The following CSMD1 variants were observed in gnomAD, a reference collection of about 807,000 sequenced individuals.
CSMD1 encodes CUB and Sushi multiple domains 1, also known as CUB and sushi domain-containing protein 1.
A neutral mutation model predicts 417.5 loss-of-function variants in CSMD1; 213 were observed. The ratio of observed to expected loss-of-function variants is 0.51; its 90% CI spans 0.46 to 0.57. The LOEUF (loss-of-function observed/expected upper bound fraction) is 0.57, where lower values mean the gene tolerates loss of function less well. Ranked by LOEUF, CSMD1 falls within the 20% of genes least tolerant of loss-of-function variation. The pLI, the probability that CSMD1 is intolerant of heterozygous loss-of-function variation, is 0.00. For synonymous variants in CSMD1, 2,862 were observed against 1,736.8 expected (o/e 1.65, Z -16.11); for missense variants, 6,923 against 4,529.7 (o/e 1.53, Z -15.17).
intron 3 of CSMD1, among the ~76,000 whole-genome samples, chr8:4,267,777 A>T (rs1191496204): frequency 2.0e-5 from 3 of 152,154 alleles, no homozygotes; most frequent in African/African-American, 4.8e-5. Context: ...TGCATATTTT[A>T]TATTGAACAA....
intron 3 of CSMD1, among the ~76,000 whole-genome samples, chr8:4,350,971 C>A (rs1801059718): frequency 6.6e-6 from 1 of 152,094 alleles, no homozygotes; most frequent in Non-Finnish European, 1.5e-5. Context: ...TTTAAAGCTT[C>A]TTTTAATAAT....
At position 3,982,192 on chromosome 8, in the gene CSMD1, T is replaced by TAATAATAATAATAA. The variant is rs372298485; in HGVS notation, c.818+15710_818+15711insTTATTATTATTATT. Reference sequence around the variant, plus strand: ...AATAATAATAATAATAATAATAATATTAATAAAAAAAATAATAATAATAAA... The same window carrying TAATAATAATAATAA: ...AATAATAATAATAATAATAATAATATAATAATAATAATAATAATAAAAAAAATAATAATAATAAA... On this transcript the variant is annotated intron_variant, in intron 5 of 69. Transcript: ENST00000635120. 1.4e-3 allele frequency among the ~76,000 whole-genome samples: 180 copies of TAATAATAATAATAA among 131,760 alleles called. 1 individual carries two copies. Among genetic ancestry groups the TAATAATAATAATAA allele is most frequent in the East Asian group, 2.1e-3 (10 of 4,664 alleles). The allele number at this position is 131,760 out of a possible 152,430, so 86.4% of individuals were successfully genotyped here.
intron 3 of CSMD1, among the ~76,000 whole-genome samples, chr8:4,048,024 T>G (rs532273751): frequency 6.6e-6 from 1 of 152,278 alleles, no homozygotes; most frequent in East Asian, 1.9e-4. Context: ...TCAAACCGTT[T>G]TGCCCACTAA....
chr8:3,977,668 A>G (rs1472438381), intron 5 of CSMD1, among the ~76,000 whole-genome samples: 1 of 152,234 alleles, frequency 6.6e-6, no homozygotes, highest in African/African-American at 2.4e-5. Context: ...CTTTCTGCTC[A>G]TAAGAATGTG....
chr8:3,085,946 A>C (rs1001937055), intron 49 of CSMD1, among the ~76,000 whole-genome samples: 1 of 152,036 alleles, frequency 6.6e-6, no homozygotes, highest in Non-Finnish European at 1.5e-5. Flanking sequence ...CCTCTAGAGG[A>C]CAGGAAATGA....
chr8:3,294,409 C>G (rs966507592), intron 25 of CSMD1, among the ~76,000 whole-genome samples: 1 of 152,192 alleles, frequency 6.6e-6, no homozygotes, highest in Non-Finnish European at 1.5e-5. Context: ...GGTCTGTGCC[C>G]TGCCTGCAGA....
chr8:3,670,001 A>C (rs6984213), intron 7 of CSMD1, among the ~76,000 whole-genome samples: 1 of 152,118 alleles, frequency 6.6e-6, no homozygotes, highest in Non-Finnish European at 1.5e-5. Flanking sequence ...AATTGCATAC[A>C]TTTCTAAATA....
At chr8:3,256,083 T>G (rs1013401480) in intron 26 of CSMD1, among the ~76,000 whole-genome samples, 1 of 152,058 alleles carries the variant, frequency 6.6e-6, no homozygotes, top group African/African-American at 2.4e-5. Context: ...ATCCCAGGAC[T>G]TTGGGGGGCT....
At chr8:3,511,303 A>C (rs916820397) in intron 10 of CSMD1, among the ~76,000 whole-genome samples, 1 of 151,772 alleles carries the variant, frequency 6.6e-6, no homozygotes, top group African/African-American at 2.4e-5. Flanking sequence ...TGGATACAGC[A>C]AACCACAATG....
At chr8:4,629,756 G>A (rs1478280) in intron 2 of CSMD1, among the ~76,000 whole-genome samples, 1 of 151,924 alleles carries the variant, frequency 6.6e-6, no homozygotes, top group African/African-American at 2.4e-5. Flanking sequence ...ATTTACTATT[G>A]TATAAAACAG....
At chr8:4,978,880 G>C (rs1047196872) in intron 1 of CSMD1, among the ~76,000 whole-genome samples, 1 of 150,138 alleles carries the variant, frequency 6.7e-6, no homozygotes, top group Non-Finnish European at 1.5e-5. Flanking sequence ...GGAGGTTGCA[G>C]TGAGCTGAGA....
chr8:3,236,268 A>G (rs1799148970), intron 26 of CSMD1, among the ~76,000 whole-genome samples: 1 of 152,140 alleles, frequency 6.6e-6, no homozygotes, highest in African/African-American at 2.4e-5. Flanking sequence ...GAGCTAATGT[A>G]TATATCTGCT....
chr8:4,309,513 G>T (rs73191948), intron 3 of CSMD1, among the ~76,000 whole-genome samples: 96,139 of 151,790 alleles, frequency 0.63, 31,420 homozygotes, highest in East Asian at 0.86. Flanking sequence ...TAAACTAAAA[G>T]GTAAATCCTG....
At chr8:3,909,850 C>G (rs985821938) in intron 5 of CSMD1, among the ~76,000 whole-genome samples, 5 of 152,114 alleles carry the variant, frequency 3.3e-5, no homozygotes, top group African/African-American at 1.2e-4. Flanking sequence ...GTATGTCCTG[C>G]TGTATACAAG....
intron 8 of CSMD1, among the ~76,000 whole-genome samples, chr8:3,592,141 T>C (rs1020173769): frequency 2.6e-5 from 4 of 152,034 alleles, no homozygotes; most frequent in Non-Finnish European, 5.9e-5. Context: ...GATGAATGGA[T>C]AGGTAAGTAG....
intron 25 of CSMD1, among the ~76,000 whole-genome samples, chr8:3,298,495 C>T (rs368487988): frequency 3.9e-5 from 6 of 152,170 alleles, no homozygotes; most frequent in African/African-American, 9.7e-5. Context: ...GATCTGTTGA[C>T]CAGGCTGGAG....
intron 5 of CSMD1, among the ~76,000 whole-genome samples, chr8:3,969,483 G>GTT (rs893429437): frequency 2.0e-5 from 3 of 151,852 alleles, no homozygotes; most frequent in African/African-American, 7.3e-5. Context: ...ATAAGTTTGT[G>GTT]TTTTTTTTCC....
chr8:4,869,810 T>G (rs1233611123), intron 1 of CSMD1, among the ~76,000 whole-genome samples: 1 of 152,096 alleles, frequency 6.6e-6, no homozygotes, highest in Admixed American at 6.5e-5. Flanking sequence ...TGCCTGATGT[T>G]AATTATGGCT....
chr8:4,248,510 A>G (rs751964039), intron 3 of CSMD1, among the ~76,000 whole-genome samples: 1 of 152,150 alleles, frequency 6.6e-6, no homozygotes, highest in Non-Finnish European at 1.5e-5. Context: ...TAATATGTCA[A>G]CTTCTAACAG....
Sources: gnomAD v4.1 joint callset for allele counts (sites outside exome capture counted in the v4.1 genomes callset) on GRCh38, gnomAD v4.1.1 for gene constraint, MANE v1.5 for transcripts, NCBI Gene and HGNC (gene_info 2026-07-23, HGNC 2026-07-21) for gene names.